ZNF468: variants seen among roughly 807,000 people sequenced by gnomAD.
The protein encoded by ZNF468 is zinc finger protein 468.
ZNF468 carries 8 observed loss-of-function variants against 7.2 expected under a neutral mutation model. The observed-to-expected ratio is 1.11, with a 90% CI of 0.65 to 2.01. The LOEUF is 2.01. Ranked by LOEUF, ZNF468 falls within the 30% of genes most tolerant of loss-of-function variation. The pLI is 0.00. For synonymous variants in ZNF468, 218 were observed against 214.4 expected, an observed-to-expected ratio of 1.02 and a Z score of -0.15; for missense variants, 608 against 626.5, an observed-to-expected ratio of 0.97 and a Z score of 0.31.
chr19:52,855,109 T>TA (rs1301077290), intron 1 of ZNF468, among the ~76,000 whole-genome samples: 1 of 150,668 alleles, frequency 6.6e-6, no homozygotes, highest in Non-Finnish European at 1.5e-5. Flanking sequence ...ACCCAGGAGA[T>TA]ACAGGTTGCA....
intron 2 of ZNF468, among the ~76,000 whole-genome samples, chr19:52,853,515 G>A (rs1418878409): frequency 1.3e-5 from 2 of 151,384 alleles, no homozygotes; most frequent in African/African-American, 2.4e-5. Context: ...ATGCTGAAAC[G>A]CTGTTTCTAC....
intron 3 of ZNF468, among the ~76,000 whole-genome samples, chr19:52,847,593 C>T (rs1270862950): frequency 6.6e-6 from 1 of 151,736 alleles, no homozygotes; most frequent in African/African-American, 2.4e-5. Context: ...CCGACCATTC[C>T]CATTCATTCT....
rs569020962 is a variant in ZNF468, at chr19:52,850,865, C to T, written c.16-1652G>A. Among the ~76,000 whole-genome samples, 531 of 151,926 alleles carry T rather than the reference C, an allele frequency of 3.5e-3. 1 individual carries two copies. The highest frequency in any genetic ancestry group is 4.1e-3 in the Non-Finnish European group (281 of 67,986). The stretch of plus-strand genomic sequence containing the variant: ...AGTGAGCCGAGATCGCGCCACTGCA[C>T]TCCAGCCTGGGCGACAGAGCGAGAC... On this transcript the variant is annotated intron_variant, in intron 2 of 3. Transcript: ENST00000595646.
intron 3 of ZNF468, among the ~76,000 whole-genome samples, chr19:52,847,450 C>T (rs1431428198): frequency 6.8e-6 from 1 of 147,524 alleles, no homozygotes; most frequent in African/African-American, 2.5e-5. Flanking sequence ...GACCTTACAT[C>T]CCCCCGCCTG....
chr19:52,850,867 C>G (rs965255907), intron 2 of ZNF468, among the ~76,000 whole-genome samples: 3 of 151,628 alleles, frequency 2.0e-5, no homozygotes, highest in Admixed American at 1.3e-4. Flanking sequence ...CCACTGCACT[C>G]CAGCCTGGGC....
intron 3 of ZNF468, 108 bp downstream of exon 3, chr19:52,848,979 T>A: frequency 6.7e-7 from 1 of 1,502,508 alleles, no homozygotes; most frequent in Non-Finnish European, 8.9e-7. Context: ...CATTTCAAAA[T>A]CAATATGGCT....
At position 52,840,386 on chromosome 19, in the gene ZNF468, TATA is replaced by T. The variant is rs995403922; in HGVS notation, c.*336_*338del. The T allele has an allele frequency of 7.8e-5, 40 of 513,666 alleles. No individual in the cohort carries two copies. Among genetic ancestry groups the T allele is most frequent in the Admixed American group, 2.0e-4 (7 of 34,428 alleles). 31.8% of individuals were successfully genotyped at this position (513,666 alleles called of 1,614,324 possible). On this transcript the variant is annotated 3_prime_UTR_variant, in exon 4 of 4. Coordinates refer to ENST00000595646, the MANE Select transcript of ZNF468 (RefSeq NM_001008801.2). Reference sequence around the variant, plus strand: ...ACGGTCTTGCCACACTCATTACACTTATAATGAGTTTCTCTCCAGTGTGAATTC... The same window carrying T: ...ACGGTCTTGCCACACTCATTACACTTATGAGTTTCTCTCCAGTGTGAATTC...
intron 3 of ZNF468, 75 bp from the exon 4 acceptor site, chr19:52,842,226 A>G: frequency 7.7e-7 from 1 of 1,293,816 alleles, no homozygotes; most frequent in Non-Finnish European, 1.0e-6. Context: ...TAAATATCAC[A>G]GAAAAAAAAC....
chr19:52,854,926 G>A (rs1252196925), intron 1 of ZNF468, among the ~76,000 whole-genome samples: 1 of 152,124 alleles, frequency 6.6e-6, no homozygotes, highest in Non-Finnish European at 1.5e-5. Flanking sequence ...GGAGGCTGAG[G>A]TAGGAGAACT....
rs1443880504 is a variant in ZNF468, at chr19:52,841,873, C to G, written c.421G>C (p.Gly141Arg). 6.2e-7 allele frequency: 1 copy of G among 1,614,066 alleles called. No homozygotes were observed. ...AGNKRIKDQL[G>R]SSFHLHLPEP... Reference sequence around the variant, plus strand: ...GGCAGATGCAAATGAAAGCTTGATCCAAGCTGATCTTTAATACGCTTGTTT... The same window carrying G: ...GGCAGATGCAAATGAAAGCTTGATCGAAGCTGATCTTTAATACGCTTGTTT... Residue 141 changes from glycine (G) to arginine (R), a missense_variant, in exon 4 of 4, where the codon GGA becomes CGA. By Grantham distance (125) the Gly-to-Arg change is moderately radical. Coordinates refer to ENST00000595646, the MANE Select transcript of ZNF468 (RefSeq NM_001008801.2).
At chr19:52,853,365 G>A (rs928919179) in intron 2 of ZNF468, among the ~76,000 whole-genome samples, 1 of 152,058 alleles carries the variant, frequency 6.6e-6, no homozygotes, top group African/African-American at 2.4e-5. Context: ...TATATCATGT[G>A]ATGGTGAAAT....
At chr19:52,847,357 G>A (rs560693966) in intron 3 of ZNF468, among the ~76,000 whole-genome samples, 2 of 151,350 alleles carry the variant, frequency 1.3e-5, no homozygotes, top group East Asian at 3.9e-4. Context: ...AAGCCGCAGG[G>A]ACCTCTGCCC....
chr19:52,840,767 G>C lies in ZNF468; in HGVS notation c.1527C>G (p.Ser509=). ...TATGAAGCCTATGATGGTATACAAG[G>C]GATGACATCTGACTGAAGGTCTTGC... ...ECGKTFSQMS[S]LVYHHRLHSG... Residue 509 remains serine (S), a synonymous_variant, in exon 4 of 4, where the codon TCC becomes TCG. Coordinates refer to ENST00000595646, the MANE Select transcript of ZNF468 (RefSeq NM_001008801.2). 6.2e-7 allele frequency: 1 copy of C among 1,613,392 alleles called. No individual in the cohort carries two copies. Among genetic ancestry groups the C allele is most frequent in the Non-Finnish European group, 8.5e-7 (1 of 1,179,700 alleles).
intron 1 of ZNF468, among the ~76,000 whole-genome samples, chr19:52,856,151 C>G (rs570213215): frequency 6.6e-6 from 1 of 152,362 alleles, no homozygotes; most frequent in East Asian, 1.9e-4. Context: ...AGTGTAAACA[C>G]ACAGCTCTTG....
intron 2 of ZNF468, among the ~76,000 whole-genome samples, chr19:52,852,861 A>AT (rs112697176): frequency 0.32 from 47,769 of 147,172 alleles, 8,064 homozygotes; most frequent in South Asian, 0.5. Context: ...TTACAATGGA[A>AT]TTTTTTTTTT....
At chr19:52,844,308 G>T (rs773358451) in intron 3 of ZNF468, among the ~76,000 whole-genome samples, 1 of 151,930 alleles carries the variant, frequency 6.6e-6, no homozygotes, top group South Asian at 2.1e-4. Context: ...TCTTTCCACC[G>T]TATTAGGACA....
In ZNF468 at chr19:52,840,678, T is replaced by C. The variant is rs778192427; in HGVS notation, c.*47A>G. The C allele has an allele frequency of 1.9e-6, 3 of 1,612,254 alleles. No individual in the cohort carries two copies. Among genetic ancestry groups the C allele is most frequent in the African/African-American group, 1.3e-5 (1 of 74,656 alleles). On this transcript the variant is annotated 3_prime_UTR_variant, in exon 4 of 4. Transcript: ENST00000595646. ...CTCCAGTATGAATTGCCTTATGACT[T>C]ACAGGGTTGAATTGTGATGGAAGGT... is the stretch of plus-strand genomic sequence containing the variant.
chr19:52,854,943 A>C (rs185173907), intron 1 of ZNF468, among the ~76,000 whole-genome samples: 1 of 151,750 alleles, frequency 6.6e-6, no homozygotes, highest in Admixed American at 6.6e-5. Context: ...AACTGCTTGA[A>C]CCTGCGCGAC....
intron 2 of ZNF468, among the ~76,000 whole-genome samples, chr19:52,851,271 CAAAAAG>C (rs1163384870): frequency 6.6e-6 from 1 of 151,350 alleles, no homozygotes; most frequent in African/African-American, 2.4e-5. Context: ...GAATTTGTCT[CAAAAAG>C]AAACAAACAA....
Sources: allele counts gnomAD v4.1 joint callset (sites outside exome capture counted in the v4.1 genomes callset), GRCh38; gene constraint gnomAD v4.1.1; transcripts MANE v1.5; gene names NCBI Gene and HGNC (gene_info 2026-07-23, HGNC 2026-07-21).